Variants in APBA1 observed in about 807,000 individuals in gnomAD.
APBA1 encodes amyloid beta precursor protein binding family A member 1.
In APBA1, 55 loss-of-function variants were observed where a neutral mutation model predicts 86.6. That is an observed-to-expected ratio of 0.64 (90% CI 0.51 to 0.80). APBA1 has a LOEUF of 0.80. APBA1 is among the 30% of genes least tolerant of loss of function. The probability of loss-of-function intolerance (pLI) is 0.00; values close to 1 mark genes in which losing one functional copy is unlikely to be tolerated. For synonymous variants in APBA1, 511 were observed against 493.9 expected, an observed-to-expected ratio of 1.03 and a Z score of -0.46; for missense variants, 1,090 against 1,183.0, an observed-to-expected ratio of 0.92 and a Z score of 1.15.
chr9:69,449,068 G>A (rs1473786367), intron 10 of APBA1, among the ~76,000 whole-genome samples: 1 of 152,138 alleles, frequency 6.6e-6, no homozygotes, highest in African/African-American at 2.4e-5. Flanking sequence ...CCTCCTTCTG[G>A]CAATGAGCAC....
intron 11 of APBA1, among the ~76,000 whole-genome samples, chr9:69,434,556 A>C (rs1834664707): frequency 6.6e-6 from 1 of 151,942 alleles, no homozygotes; most frequent in Admixed American, 6.6e-5. Context: ...AAAATACAAA[A>C]ATTAGCCGGG....
intron 1 of APBA1, among the ~76,000 whole-genome samples, chr9:69,655,579 TAGA>T (rs781757282): frequency 6.6e-6 from 1 of 151,964 alleles, no homozygotes; most frequent in Non-Finnish European, 1.5e-5. Flanking sequence ...ATGAAAGAAA[TAGA>T]AGACACAAAT....
intron 1 of APBA1, among the ~76,000 whole-genome samples, chr9:69,636,864 GGAGA>G (rs1823178556): frequency 8.7e-5 from 5 of 57,184 alleles, no homozygotes; most frequent in Non-Finnish European, 1.5e-4. Context: ...AGGGAGGGAG[GGAGA>G]GAGAAAGAAA....
At chr9:69,520,157 G>C (rs1836229295) in intron 1 of APBA1, among the ~76,000 whole-genome samples, 1 of 152,102 alleles carries the variant, frequency 6.6e-6, no homozygotes, top group Non-Finnish European at 1.5e-5. Flanking sequence ...GGTTTCCCTA[G>C]GACAAAAAGG....
At position 69,441,132 on chromosome 9, in the gene APBA1, G is replaced by A. The variant is rs764522130; in HGVS notation, c.2182-17C>T. Reference sequence around the variant, plus strand: ...CTTTAAGCCCTTAAACATGAATAAAGTACAGTGGGTATGGTGACCACTGAG... The same window carrying A: ...CTTTAAGCCCTTAAACATGAATAAAATACAGTGGGTATGGTGACCACTGAG... On this transcript the variant is annotated splice_polypyrimidine_tract_variant and intron_variant, in intron 10 of 12. Transcript: ENST00000265381. 6.2e-7 allele frequency: 1 copy of A among 1,611,644 alleles called. No homozygotes were observed. The highest frequency in any genetic ancestry group is 8.5e-7 in the Non-Finnish European group (1 of 1,179,018).
At chr9:69,486,976 G>A (rs909089298) in intron 2 of APBA1, among the ~76,000 whole-genome samples, 1 of 151,846 alleles carries the variant, frequency 6.6e-6, no homozygotes, top group Non-Finnish European at 1.5e-5. Flanking sequence ...ATCTAAAGGA[G>A]TGAGAGATTG....
At position 69,645,554 on chromosome 9, in the gene APBA1, G is replaced by A. The variant is rs143297106; in HGVS notation, c.-70+26599C>T. ...GAGACTTGCTTGCCCAGTTTCCCTTGCAGCTAGAGAAAAGGCTGAGGGAGA... is the reference window on the plus strand; with the variant it reads ...GAGACTTGCTTGCCCAGTTTCCCTTACAGCTAGAGAAAAGGCTGAGGGAGA... On this transcript the variant is annotated intron_variant, in intron 1 of 12. Coordinates refer to ENST00000265381, the MANE Select transcript of APBA1 (RefSeq NM_001163.4). Among the ~76,000 whole-genome samples, 538 of 152,316 alleles carry A rather than the reference G, an allele frequency of 3.5e-3. 6 individuals are homozygous for A. Among genetic ancestry groups the A allele is most frequent in the African/African-American group, 0.012 (516 of 41,574 alleles).
At chr9:69,497,210 C>T (rs534239915) in intron 2 of APBA1, among the ~76,000 whole-genome samples, 2 of 152,084 alleles carry the variant, frequency 1.3e-5, no homozygotes, top group Non-Finnish European at 2.9e-5. Flanking sequence ...ATAACACCTG[C>T]GATGGAAAAC....
At chr9:69,442,164 T>C (rs1178653474) in intron 10 of APBA1, among the ~76,000 whole-genome samples, 1 of 152,170 alleles carries the variant, frequency 6.6e-6, no homozygotes, top group Non-Finnish European at 1.5e-5. Context: ...CCAGGGTGCC[T>C]GCTGTGCCTC....
intron 12 of APBA1, among the ~76,000 whole-genome samples, chr9:69,431,783 C>A (rs1834600159): frequency 6.6e-6 from 1 of 152,226 alleles, no homozygotes. Context: ...CAAATCAGCC[C>A]TAGAACAGCA....
At chr9:69,626,730 C>T (rs540789346) in intron 1 of APBA1, among the ~76,000 whole-genome samples, 2 of 152,138 alleles carry the variant, frequency 1.3e-5, no homozygotes, top group South Asian at 4.1e-4. Context: ...CATAAGCTTT[C>T]AAACCCTAAG....
chr9:69,467,298 C>A (rs1157401180), intron 5 of APBA1, among the ~76,000 whole-genome samples: 2 of 152,208 alleles, frequency 1.3e-5, no homozygotes, highest in African/African-American at 4.8e-5. Flanking sequence ...TTGGCTCAAA[C>A]TAGTTTAAAC....
intron 1 of APBA1, among the ~76,000 whole-genome samples, chr9:69,616,248 A>G (rs1033424826): frequency 6.6e-6 from 1 of 152,212 alleles, no homozygotes; most frequent in African/African-American, 2.4e-5. Context: ...TTGTTGCTCT[A>G]TATTATTGGT....
intron 2 of APBA1, among the ~76,000 whole-genome samples, chr9:69,502,275 G>T (rs1011730991): frequency 6.6e-6 from 1 of 152,060 alleles, no homozygotes; most frequent in African/African-American, 2.4e-5. Flanking sequence ...TGATGTCAGT[G>T]GGGGAGACAC....
At chr9:69,642,280 C>T (rs201221159) in intron 1 of APBA1, among the ~76,000 whole-genome samples, 3 of 152,006 alleles carry the variant, frequency 2.0e-5, no homozygotes, top group African/African-American at 7.2e-5. Flanking sequence ...AGATGACAAA[C>T]AAGCCACTGA....
At chr9:69,625,459 A>G (rs951140749) in intron 1 of APBA1, among the ~76,000 whole-genome samples, 1 of 152,138 alleles carries the variant, frequency 6.6e-6, no homozygotes, top group African/African-American at 2.4e-5. Flanking sequence ...GTCTGAACTG[A>G]GCATTGCAGC....
intron 1 of APBA1, among the ~76,000 whole-genome samples, chr9:69,603,845 G>A (rs370159394): frequency 3.3e-5 from 5 of 152,286 alleles, no homozygotes; most frequent in South Asian, 4.1e-4. Flanking sequence ...GGGAATAGAC[G>A]GACGGTCACC....
chr9:69,446,715 G>T lies in APBA1; in HGVS notation c.2181+2869C>A, dbSNP rs564891314. ...AGGGTGGGGACTCACTGGCCAGCTGGGGGCCCTGGGCAAGTCTCCTGTGCC... is the reference window on the plus strand; with the variant it reads ...AGGGTGGGGACTCACTGGCCAGCTGTGGGCCCTGGGCAAGTCTCCTGTGCC... On this transcript the variant is annotated intron_variant, in intron 10 of 12. Transcript: ENST00000265381. Among the ~76,000 whole-genome samples the T allele has an allele frequency of 7.9e-5, 12 of 152,296 alleles. No individual in the cohort carries two copies. In the South Asian group the frequency reaches 2.5e-3, roughly 32 times the overall value.
intron 1 of APBA1, among the ~76,000 whole-genome samples, chr9:69,627,888 G>A (rs1024568511): frequency 4.6e-5 from 7 of 152,126 alleles, no homozygotes; most frequent in Admixed American, 2.6e-4. Flanking sequence ...ACTGGTGGGG[G>A]AATGAGATAC....
Sources: allele counts gnomAD v4.1 joint callset (sites outside exome capture counted in the v4.1 genomes callset), GRCh38; gene constraint gnomAD v4.1.1; transcripts MANE v1.5; gene names NCBI Gene and HGNC (gene_info 2026-07-23, HGNC 2026-07-21).